Variants in RFX3 observed in about 807,000 individuals in gnomAD.
The protein encoded by RFX3 is regulatory factor X3.
In RFX3, 14 loss-of-function variants were observed where a neutral mutation model predicts 98.6. The ratio of observed to expected loss-of-function variants is 0.14; its 90% CI spans 0.09 to 0.22. The LOEUF (loss-of-function observed/expected upper bound fraction) is 0.22, where lower values mean the gene tolerates loss of function less well. RFX3 is among the 10% of genes least tolerant of loss of function. RFX3 has a pLI of 1.00. For synonymous variants in RFX3, 383 were observed against 328.4 expected, an observed-to-expected ratio of 1.17 and a Z score of -1.80; for missense variants, 639 against 926.9, an observed-to-expected ratio of 0.69 and a Z score of 4.03.
At chr9:3,228,786 C>T in intron 16 of RFX3, 61 bp downstream of exon 16, 1 of 1,390,298 alleles carries the variant, frequency 7.2e-7, no homozygotes, top group Non-Finnish European at 1.0e-6. Context: ...CCGTATTTTC[C>T]TCTGTAAGAA....
At position 3,346,744 on chromosome 9, in the gene RFX3, C is replaced by T; in HGVS notation, c.138G>A (p.Val46=). 10 of 1,613,238 alleles carry T rather than the reference C, an allele frequency of 6.2e-6. No individual in the cohort carries two copies. The highest frequency in any genetic ancestry group is 8.5e-6 in the Non-Finnish European group (10 of 1,179,260). ...CGGGATAGACATGTTGTACCTGCTG[C>T]ACAGTCTGTACCTGCTGTACCTGAA... ...VQQQVQQVQT[V]QQVQHVYPAQ... The change falls in exon 3 of 17, where the codon GTG becomes GTA. Residue 46 remains valine (V), a synonymous_variant. Transcript: ENST00000617270.
chr9:3,449,881 G>T (rs963783901), intron 1 of RFX3, among the ~76,000 whole-genome samples: 1 of 109,718 alleles, frequency 9.1e-6, no homozygotes, highest in African/African-American at 3.4e-5. Flanking sequence ...AAAAAAAAAA[G>T]AAAAGAAAAA....
chr9:3,282,742 C>G (rs567483300), intron 7 of RFX3, among the ~76,000 whole-genome samples: 65 of 151,866 alleles, frequency 4.3e-4, no homozygotes, highest in African/African-American at 1.5e-3. Flanking sequence ...TTCCCACCTT[C>G]TTTATTTGAA....
chr9:3,452,402 GC>G, intron 1 of RFX3: 1 of 304,770 alleles, frequency 3.3e-6, no homozygotes. Context: ...TCCAGCTTGG[GC>G]AACATACGGA....
chr9:3,416,048 A>T (rs563144405), intron 1 of RFX3, among the ~76,000 whole-genome samples: 24 of 152,352 alleles, frequency 1.6e-4, no homozygotes, highest in African/African-American at 4.8e-4. Context: ...TAAATGACTG[A>T]TTAAAGTCTG....
chr9:3,423,617 T>C (rs1843646373), intron 1 of RFX3, among the ~76,000 whole-genome samples: 1 of 151,764 alleles, frequency 6.6e-6, no homozygotes, highest in South Asian at 2.1e-4. Context: ...GATCAGCAGA[T>C]CAGTGTTTGC....
intron 1 of RFX3, among the ~76,000 whole-genome samples, chr9:3,513,867 T>C (rs1039630275): frequency 2.6e-5 from 4 of 152,234 alleles, no homozygotes; most frequent in African/African-American, 7.2e-5. Context: ...CTCAAATCTT[T>C]GCTGAAATAT....
chr9:3,373,572 T>A (rs1838095184), intron 2 of RFX3, among the ~76,000 whole-genome samples: 1 of 152,160 alleles, frequency 6.6e-6, no homozygotes, highest in African/African-American at 2.4e-5. Flanking sequence ...GTCAAAGAGA[T>A]CTGTGTTTTC....
intron 4 of RFX3, among the ~76,000 whole-genome samples, chr9:3,318,816 G>A (rs1416905943): frequency 6.6e-6 from 1 of 152,076 alleles, no homozygotes; most frequent in Non-Finnish European, 1.5e-5. Context: ...GGAGAAAAAC[G>A]GTTGCCTAAG....
At chr9:3,453,944 C>T (rs1433302673) in intron 1 of RFX3, among the ~76,000 whole-genome samples, 1 of 151,982 alleles carries the variant, frequency 6.6e-6, no homozygotes, top group Non-Finnish European at 1.5e-5. Flanking sequence ...CCACATTTAA[C>T]TTGGGCATCA....
At chr9:3,454,698 C>T (rs1846989113) in intron 1 of RFX3, among the ~76,000 whole-genome samples, 1 of 152,196 alleles carries the variant, frequency 6.6e-6, no homozygotes, top group South Asian at 2.1e-4. Context: ...CATTCTATGA[C>T]TAGGCTACCC....
chr9:3,410,204 T>TGTGG (rs1227655654), intron 1 of RFX3, among the ~76,000 whole-genome samples: 2 of 151,104 alleles, frequency 1.3e-5, no homozygotes, highest in African/African-American at 4.9e-5. Context: ...TGTGTGTGTG[T>TGTGG]GTGTGGCGCT....
rs369030437 is a variant in RFX3, at chr9:3,467,832, CAG to C, written c.-9+57913_-9+57914del. On this transcript the variant is annotated intron_variant, in intron 1 of 16. Coordinates refer to ENST00000617270, the MANE Select transcript of RFX3 (RefSeq NM_001282116.2). ...TTCCCCTCCCCGCCTCCCACAGACA[CAG>C]AGTTGTCAACAAAATAAGAAACATT... Among the ~76,000 whole-genome samples, 50 of 152,268 alleles carry C rather than the reference CAG, an allele frequency of 3.3e-4. No homozygotes were observed. The East Asian group carries it at 6.6e-3, about 20-fold the overall frequency.
intron 1 of RFX3, among the ~76,000 whole-genome samples, chr9:3,464,400 A>C (rs1030685593): frequency 6.6e-6 from 1 of 152,202 alleles, no homozygotes; most frequent in Non-Finnish European, 1.5e-5. Flanking sequence ...TCCATCAAAT[A>C]GTTATCAGAA....
chr9:3,474,907 C>T (rs995503965), intron 1 of RFX3, among the ~76,000 whole-genome samples: 1 of 152,060 alleles, frequency 6.6e-6, no homozygotes, highest in Non-Finnish European at 1.5e-5. Context: ...GAAGACCAGC[C>T]TGGGCAACAC....
chr9:3,431,282 G>A (rs1416436877), intron 1 of RFX3, among the ~76,000 whole-genome samples: 1 of 152,012 alleles, frequency 6.6e-6, no homozygotes, highest in South Asian at 2.1e-4. Flanking sequence ...AACACCATGG[G>A]TCCCATATGA....
At chr9:3,454,235 A>C (rs989436054) in intron 1 of RFX3, among the ~76,000 whole-genome samples, 2 of 152,282 alleles carry the variant, frequency 1.3e-5, no homozygotes, top group Non-Finnish European at 1.5e-5. Flanking sequence ...GTATATTTCT[A>C]CTCACAGGAT....
At chr9:3,386,926 A>C (rs1002359991) in intron 2 of RFX3, among the ~76,000 whole-genome samples, 12 of 152,160 alleles carry the variant, frequency 7.9e-5, no homozygotes, top group African/African-American at 2.9e-4. Context: ...AGGTATCACA[A>C]ATGAGTCATC....
intron 5 of RFX3, 47 bp from the exon 6 acceptor site, chr9:3,293,305 C>A: frequency 6.9e-7 from 1 of 1,455,400 alleles, no homozygotes; most frequent in South Asian, 1.4e-5. Context: ...CATAATTTGC[C>A]AAAATTTCTA....
Sources: allele counts gnomAD v4.1 joint callset (sites outside exome capture counted in the v4.1 genomes callset), GRCh38; gene constraint gnomAD v4.1.1; transcripts MANE v1.5; gene names NCBI Gene and HGNC (gene_info 2026-07-23, HGNC 2026-07-21).